The following NAV1 variants were observed in gnomAD, a reference collection of about 807,000 sequenced individuals.
NAV1 encodes pore membrane and/or filament interacting like protein 3.
Under a neutral mutation model 175.2 loss-of-function variants are expected in NAV1, and 18 were observed. That is an observed-to-expected ratio of 0.10 (90% CI 0.07 to 0.15). NAV1 has a LOEUF of 0.15. NAV1 is among the 10% of genes least tolerant of loss of function. NAV1 has a pLI of 1.00. For missense variants in NAV1, 1,731 were observed against 2,436.6 expected, an observed-to-expected ratio of 0.71 and a Z score of 6.10; for synonymous variants, 897 against 978.7, an observed-to-expected ratio of 0.92 and a Z score of 1.56.
At chr1:201,688,134 T>C (rs1670753981) in intron 1 of NAV1, 1 of 152,216 alleles carries the variant, frequency 6.6e-6, no homozygotes, top group Admixed American at 6.5e-5. Context: ...CGGCTCTTCA[T>C]TTAAAGAGGA....
intron 29 of NAV1, among the ~76,000 whole-genome samples, chr1:201,817,680 C>G (rs1679139274): frequency 6.6e-6 from 1 of 152,052 alleles, no homozygotes; most frequent in South Asian, 2.1e-4. Context: ...CTAGCAAAGA[C>G]CCAAGTCTCA....
At chr1:201,677,650 C>T (rs2102392042) in intron 1 of NAV1, among the ~76,000 whole-genome samples, 1 of 152,242 alleles carries the variant, frequency 6.6e-6, no homozygotes. Flanking sequence ...TGTTTCATTT[C>T]TGAGATGGGG....
upstream of NAV1, among the ~76,000 whole-genome samples, chr1:201,646,816 G>A (rs959808461): frequency 1.3e-5 from 2 of 152,150 alleles, no homozygotes; most frequent in Non-Finnish European, 2.9e-5. Flanking sequence ...AAGGTGCTGA[G>A]TGACACAGTT....
intron 1 of NAV1, among the ~76,000 whole-genome samples, chr1:201,576,573 C>CA (rs35832486): frequency 0.19 from 28,272 of 146,032 alleles, 2,904 homozygotes; most frequent in East Asian, 0.38. Flanking sequence ...AGACCCTCTC[C>CA]AAAAAAAAAA....
chr1:201,653,911 A>G (rs1669299571), intron 1 of NAV1, among the ~76,000 whole-genome samples: 1 of 152,230 alleles, frequency 6.6e-6, no homozygotes, highest in African/African-American at 2.4e-5. Context: ...GCCTTCCTCC[A>G]GGTTGGTACC....
intron 29 of NAV1, among the ~76,000 whole-genome samples, chr1:201,819,121 A>G (rs1679237305): frequency 6.6e-6 from 1 of 152,230 alleles, no homozygotes; most frequent in Non-Finnish European, 1.5e-5. Context: ...ATAATAATAC[A>G]GTGTCTAGCT....
At chr1:201,611,713 G>T (rs1667850956) in intron 2 of NAV1, among the ~76,000 whole-genome samples, 1 of 152,220 alleles carries the variant, frequency 6.6e-6, no homozygotes, top group African/African-American at 2.4e-5. Context: ...CCAAGGTACG[G>T]GTGTTGGGGC....
intron 3 of NAV1, among the ~76,000 whole-genome samples, chr1:201,725,578 C>CG (rs1194997836): frequency 7.4e-5 from 11 of 148,322 alleles, no homozygotes; most frequent in South Asian, 2.2e-4. Context: ...GGAGTTGGGG[C>CG]GGGGGGGCTA....
chr1:201,744,316 G>GTATTTATT (rs201881780), intron 3 of NAV1, among the ~76,000 whole-genome samples: 186 of 141,024 alleles, frequency 1.3e-3, no homozygotes, highest in East Asian at 4.0e-3. Flanking sequence ...ATGTATGTAT[G>GTATTTATT]TATTTATTTA....
At chr1:201,794,279 G>A (rs774047742) in intron 14 of NAV1, 187 bp from the exon 19 acceptor site, 4 of 649,994 alleles carry the variant, frequency 6.2e-6, no homozygotes, top group Non-Finnish European at 1.1e-5. Flanking sequence ...AGCCTCCCAA[G>A]TAGCTGGGAT....
chr1:201,684,845 C>T (rs2102405361), intron 1 of NAV1, among the ~76,000 whole-genome samples: 1 of 151,658 alleles, frequency 6.6e-6, no homozygotes, highest in African/African-American at 2.4e-5. Context: ...CGCCTGTAAT[C>T]CCAGCTACTC....
chr1:201,570,816 C>CT (rs1472354151), intron 1 of NAV1, among the ~76,000 whole-genome samples: 1 of 152,252 alleles, frequency 6.6e-6, no homozygotes, highest in Non-Finnish European at 1.5e-5. Context: ...AGGAAGAAGG[C>CT]TGCCTCCACA....
At chr1:201,624,461 A>T (rs373828107) in intron 1 of NAV1, among the ~76,000 whole-genome samples, 1 of 145,054 alleles carries the variant, frequency 6.9e-6, no homozygotes, top group East Asian at 2.0e-4. Context: ...CTCCTGCCTC[A>T]GCCTCCCAAG....
chr1:201,582,159 C>T (rs1456512073), intron 1 of NAV1, among the ~76,000 whole-genome samples: 1 of 152,212 alleles, frequency 6.6e-6, no homozygotes, highest in Non-Finnish European at 1.5e-5. Context: ...AAAGAGGAGC[C>T]ATGCAGGACA....
chr1:201,765,610 G>C (rs1459333466), intron 3 of NAV1, among the ~76,000 whole-genome samples: 2 of 151,984 alleles, frequency 1.3e-5, no homozygotes, highest in East Asian at 3.9e-4. Flanking sequence ...GCCCAGGGTG[G>C]TCTTGAACTC....
At chr1:201,711,894 T>C (rs1671922774) in intron 1 of NAV1, among the ~76,000 whole-genome samples, 1 of 152,242 alleles carries the variant, frequency 6.6e-6, no homozygotes, top group Admixed American at 6.5e-5. Flanking sequence ...AGTTCCTTCA[T>C]GCTCAAGCAC....
chr1:201,654,929 C>T (rs180988036), intron 1 of NAV1, among the ~76,000 whole-genome samples: 147 of 152,230 alleles, frequency 9.7e-4, no homozygotes, highest in African/African-American at 3.3e-3. Context: ...AATTTCTACC[C>T]GTGGGTCTGA....
chr1:201,591,573 G>C (rs1163832373), intron 2 of NAV1, among the ~76,000 whole-genome samples: 3 of 152,192 alleles, frequency 2.0e-5, no homozygotes, highest in Admixed American at 6.5e-5. Context: ...AAATAAGTGT[G>C]TGTAAATGTA....
chr1:201,568,704 T>C (rs1666438414), intron 1 of NAV1, among the ~76,000 whole-genome samples: 2 of 152,168 alleles, frequency 1.3e-5, no homozygotes, highest in South Asian at 4.1e-4. Flanking sequence ...TAACATAATA[T>C]AATATAATAT....
Sources: gnomAD v4.1 joint callset for allele counts (sites outside exome capture counted in the v4.1 genomes callset) on GRCh38, gnomAD v4.1.1 for gene constraint, MANE v1.5 for transcripts, NCBI Gene and HGNC (gene_info 2026-07-23, HGNC 2026-07-21) for gene names.